SENP2: variants seen among roughly 807,000 people sequenced by gnomAD.
SENP2 encodes sentrin-specific protease 2.
In SENP2, 16 loss-of-function variants were observed where a neutral mutation model predicts 86.3. The observed-to-expected ratio is 0.19, with a 90% CI of 0.13 to 0.28. The LOEUF is 0.28. Ranked by LOEUF, SENP2 falls within the 10% of genes least tolerant of loss-of-function variation. SENP2 has a pLI of 1.00. For missense variants in SENP2, 552 were observed against 703.0 expected (o/e 0.79, Z 2.43); for synonymous variants, 222 against 238.7 (o/e 0.93, Z 0.64).
chr3:185,604,128 T>G (rs558154398), intron 5 of SENP2, among the ~76,000 whole-genome samples: 1 of 152,024 alleles, frequency 6.6e-6, no homozygotes, highest in African/African-American at 2.4e-5. Context: ...CTCAAAAAAA[T>G]AAATAAATAA....
intron 5 of SENP2, 35 bp from the exon 6 acceptor site, chr3:185,606,295 G>A (rs372990775): frequency 1.4e-4 from 224 of 1,560,106 alleles, no homozygotes; most frequent in Non-Finnish European, 1.8e-4. Context: ...AAGCAGCTTG[G>A]TGATACTTTT....
At chr3:185,597,318 C>T (rs1358266458) in intron 2 of SENP2, among the ~76,000 whole-genome samples, 1 of 151,948 alleles carries the variant, frequency 6.6e-6, no homozygotes, top group East Asian at 1.9e-4. Flanking sequence ...ACTGGTATTC[C>T]AGTTATTCAG....
Position 185,606,474 on chromosome 3 carries a change from G to A in SENP2, c.594G>A (p.Arg198=). 1 of 1,611,796 alleles carries A rather than the reference G, an allele frequency of 6.2e-7. No homozygotes were observed. The highest frequency in any genetic ancestry group is 2.2e-5 in the East Asian group (1 of 44,852). Residue 198 remains arginine, a synonymous_variant, in exon 6 of 17, where the codon AGG becomes AGA. Coordinates refer to ENST00000296257, the MANE Select transcript of SENP2 (RefSeq NM_021627.3). ...MISEESGKGL[R]RPHCTVEEGV... Reference sequence around the variant, plus strand: ...CTGAAGAGAGTGGCAAGGGTCTGAGGCGTCCCCATTGTACTGTGGAGGAGG... The same window carrying A: ...CTGAAGAGAGTGGCAAGGGTCTGAGACGTCCCCATTGTACTGTGGAGGAGG...
chr3:185,616,499 A>G (rs1425480010), intron 11 of SENP2, among the ~76,000 whole-genome samples: 2 of 145,692 alleles, frequency 1.4e-5, no homozygotes, highest in Non-Finnish European at 3.0e-5. Context: ...AAGAAGGGCC[A>G]GGCTGGTGGC....
intron 6 of SENP2, among the ~76,000 whole-genome samples, chr3:185,608,489 C>T (rs1247778987): frequency 6.6e-6 from 1 of 152,154 alleles, no homozygotes; most frequent in African/African-American, 2.4e-5. Context: ...ATGATGACTC[C>T]AGTCTTGGAC....
chr3:185,588,208 C>A (rs932537402), intron 1 of SENP2, among the ~76,000 whole-genome samples: 8 of 151,572 alleles, frequency 5.3e-5, no homozygotes, highest in African/African-American at 1.7e-4. Context: ...CAGGCGCCCG[C>A]CACCACGCCC....
intron 5 of SENP2, among the ~76,000 whole-genome samples, chr3:185,603,100 T>C (rs1455737075): frequency 6.6e-6 from 1 of 151,176 alleles, no homozygotes; most frequent in Non-Finnish European, 1.5e-5. Flanking sequence ...TTGGTAGAGA[T>C]GGGGTTTCAC....
chr3:185,628,177 C>A (rs2148996982), intron 16 of SENP2, among the ~76,000 whole-genome samples: 1 of 152,202 alleles, frequency 6.6e-6, no homozygotes, highest in East Asian at 1.9e-4. Flanking sequence ...TGCTCTGTTG[C>A]CCAGGCTGGA....
chr3:185,590,777 C>T (rs553548667), intron 2 of SENP2, among the ~76,000 whole-genome samples: 245 of 121,900 alleles, frequency 2.0e-3, no homozygotes, highest in Non-Finnish European at 2.6e-3. Context: ...ACGAGAATCG[C>T]GTGAACCTGG....
intron 2 of SENP2, among the ~76,000 whole-genome samples, chr3:185,592,097 A>C (rs998799260): frequency 9.0e-6 from 1 of 111,364 alleles, no homozygotes; most frequent in Non-Finnish European, 1.8e-5. Context: ...ATTTTGTAAG[A>C]GGCAAGGGTA....
intron 2 of SENP2, among the ~76,000 whole-genome samples, chr3:185,590,901 CTTTTTTTTTTTTT>C (rs1158491597): frequency 1.1e-5 from 1 of 94,178 alleles, no homozygotes; most frequent in Admixed American, 1.3e-4. Flanking sequence ...AGAAAGTCTC[CTTTTTTTTTTTTT>C]TTTTTTTTTT....
chr3:185,624,267 C>T (rs1180277097), intron 15 of SENP2, among the ~76,000 whole-genome samples, 185 bp downstream of exon 15: 1 of 151,884 alleles, frequency 6.6e-6, no homozygotes, highest in Admixed American at 6.6e-5. Flanking sequence ...AGTCTCGGGC[C>T]TCCCAAAACA....
intron 12 of SENP2, among the ~76,000 whole-genome samples, chr3:185,618,111 A>G (rs1711692050): frequency 6.6e-6 from 1 of 151,972 alleles, no homozygotes; most frequent in Non-Finnish European, 1.5e-5. Flanking sequence ...TGCCCGGCTA[A>G]TTTTGTATTT....
chr3:185,610,978 T>C (rs930434572), intron 7 of SENP2, among the ~76,000 whole-genome samples: 1 of 150,928 alleles, frequency 6.6e-6, no homozygotes, highest in African/African-American at 2.4e-5. Context: ...AATAAATAAT[T>C]AAAGTTCCTG....
At position 185,624,092 on chromosome 3, in the gene SENP2, G is replaced by C. The variant is rs112619161; in HGVS notation, c.1611+10G>C. The C allele has an allele frequency of 6.3e-7, 1 of 1,584,226 alleles. No homozygotes were observed. The highest frequency in any genetic ancestry group is 2.3e-5 in the East Asian group (1 of 44,332). ...CAGCATGAAACCACACGTGAGTGACGATCATCTACATGTGACATACTTGGT... is the reference window on the plus strand; with the variant it reads ...CAGCATGAAACCACACGTGAGTGACCATCATCTACATGTGACATACTTGGT... On this transcript the variant is annotated intron_variant, in intron 15 of 16. Transcript: ENST00000296257.
intron 1 of SENP2, among the ~76,000 whole-genome samples, chr3:185,588,287 C>T (rs1271177802): frequency 1.3e-5 from 2 of 151,796 alleles, no homozygotes; most frequent in Non-Finnish European, 2.9e-5. Context: ...CCTCAGGATC[C>T]GCCCGTCTCG....
intron 12 of SENP2, among the ~76,000 whole-genome samples, chr3:185,618,644 T>C (rs1577739041): frequency 1.3e-5 from 2 of 152,280 alleles, no homozygotes; most frequent in East Asian, 1.9e-4. Flanking sequence ...TTTGGAAGGC[T>C]GAGGCGGGCG....
intron 8 of SENP2, among the ~76,000 whole-genome samples, 159 bp downstream of exon 8, chr3:185,611,904 C>G (rs536943307): frequency 6.6e-6 from 1 of 152,218 alleles, no homozygotes; most frequent in East Asian, 1.9e-4. Context: ...CGCCTGCAAT[C>G]CCAGCACTTT....
At chr3:185,612,476 CTT>C in intron 8 of SENP2, 129 bp from the exon 9 acceptor site, 1 of 641,874 alleles carries the variant, frequency 1.6e-6, no homozygotes, top group South Asian at 2.1e-5. Flanking sequence ...AGGCTAGTGT[CTT>C]TGGAATTCAC....
Sources: gnomAD v4.1 joint callset for allele counts (sites outside exome capture counted in the v4.1 genomes callset) on GRCh38, gnomAD v4.1.1 for gene constraint, MANE v1.5 for transcripts, NCBI Gene and HGNC (gene_info 2026-07-23, HGNC 2026-07-21) for gene names.